NKAIN3: variants seen among roughly 807,000 people sequenced by gnomAD.
NKAIN3 encodes sodium/potassium transporting ATPase interacting 3.
NKAIN3 carries 25 observed loss-of-function variants against 30.2 expected under a neutral mutation model. The observed-to-expected ratio is 0.83, with a 90% CI of 0.60 to 1.16. NKAIN3 has a LOEUF of 1.16. Among genes scored for constraint, NKAIN3 ranks in the 50% most tolerant of loss-of-function variants. NKAIN3 has a pLI of 0.00. For synonymous variants in NKAIN3, 91 were observed against 89.6 expected, an observed-to-expected ratio of 1.02 and a Z score of -0.09; for missense variants, 225 against 254.1, an observed-to-expected ratio of 0.89 and a Z score of 0.78.
intron 1 of NKAIN3, among the ~76,000 whole-genome samples, chr8:62,467,038 C>G (rs1230873641): frequency 6.6e-6 from 1 of 152,126 alleles, no homozygotes; most frequent in Non-Finnish European, 1.5e-5. Flanking sequence ...TAGGACCTGC[C>G]TCCGACCTCT....
At chr8:62,456,844 C>T (rs1326956779) in intron 1 of NKAIN3, among the ~76,000 whole-genome samples, 1 of 152,172 alleles carries the variant, frequency 6.6e-6, no homozygotes, top group African/African-American at 2.4e-5. Context: ...CCTAATGCAC[C>T]CAGCCTTCGT....
chr8:62,783,309 T>C (rs1316309879), intron 4 of NKAIN3, among the ~76,000 whole-genome samples: 6 of 152,132 alleles, frequency 3.9e-5, no homozygotes, highest in African/African-American at 1.4e-4. Flanking sequence ...TAGCCCTTTC[T>C]ACCATGTGAA....
chr8:62,412,195 G>A (rs549421480), intron 1 of NKAIN3, among the ~76,000 whole-genome samples: 1 of 152,228 alleles, frequency 6.6e-6, no homozygotes, highest in Non-Finnish European at 1.5e-5. Flanking sequence ...AATCAAAGTA[G>A]CATGGTACTG....
At position 62,937,323 on chromosome 8, in the gene NKAIN3, G is replaced by A. The variant is rs34371344; in HGVS notation, c.533-16579G>A. ...TTTGAAAGAAGTGGCTTGCCACTGC[G>A]TACTCCGTGAAACAGCCGAAAACTG... On this transcript the variant is annotated intron_variant, in intron 5 of 6. Coordinates refer to ENST00000623646, the MANE Select transcript of NKAIN3 (RefSeq NM_001304533.3). Among the ~76,000 whole-genome samples the A allele has an allele frequency of 6.8e-4, 103 of 152,194 alleles. 1 individual carries two copies. Among genetic ancestry groups the A allele is most frequent in the African/African-American group, 2.2e-3 (92 of 41,500 alleles).
intron 3 of NKAIN3, among the ~76,000 whole-genome samples, chr8:62,642,816 A>G (rs554620634): frequency 3.9e-5 from 6 of 152,000 alleles, no homozygotes; most frequent in Non-Finnish European, 2.9e-5. Context: ...TTTATATATT[A>G]CCATTTTTCT....
intron 3 of NKAIN3, among the ~76,000 whole-genome samples, chr8:62,675,208 T>C (rs1255277806): frequency 2.0e-5 from 3 of 152,232 alleles, no homozygotes; most frequent in Non-Finnish European, 2.9e-5. Flanking sequence ...TGCAAAGTGA[T>C]GTAAAAATTA....
intron 1 of NKAIN3, among the ~76,000 whole-genome samples, chr8:62,409,364 A>T (rs1308694419): frequency 6.6e-6 from 1 of 152,034 alleles, no homozygotes; most frequent in African/African-American, 2.4e-5. Context: ...TTGTATTTTT[A>T]GTAGAGATGG....
chr8:62,574,748 G>A (rs935609661), intron 1 of NKAIN3, among the ~76,000 whole-genome samples: 3 of 152,038 alleles, frequency 2.0e-5, no homozygotes, highest in Admixed American at 6.6e-5. Flanking sequence ...TTTAACTGAG[G>A]TGAGATCATA....
chr8:62,858,054 T>A (rs545575818), intron 4 of NKAIN3, among the ~76,000 whole-genome samples: 2 of 150,088 alleles, frequency 1.3e-5, no homozygotes, highest in East Asian at 3.9e-4. Flanking sequence ...TGTTGTTTTC[T>A]GTGTTTTTTT....
intron 4 of NKAIN3, among the ~76,000 whole-genome samples, chr8:62,776,581 T>C (rs147110412): frequency 9.7e-4 from 147 of 152,300 alleles, no homozygotes; most frequent in Admixed American, 2.4e-3. Context: ...AGAAAACCAA[T>C]AACAGCTGTA....
rs970094487 is a variant in NKAIN3, at chr8:62,310,637, G to A, written c.54+61510G>A. Among the ~76,000 whole-genome samples the A allele has an allele frequency of 1.3e-5, 2 of 150,368 alleles. 1 individual carries two copies. The highest frequency in any genetic ancestry group is 5.0e-5 in the African/African-American group (2 of 39,772). ...ATTCGAAAGTGTAAATAAAGTAAAAGTGGGTGGTGCCCCATTGTTTGAAGT... is the reference window on the plus strand; with the variant it reads ...ATTCGAAAGTGTAAATAAAGTAAAAATGGGTGGTGCCCCATTGTTTGAAGT... On this transcript the variant is annotated intron_variant, in intron 1 of 6. Coordinates refer to ENST00000623646, the MANE Select transcript of NKAIN3 (RefSeq NM_001304533.3).
intron 3 of NKAIN3, among the ~76,000 whole-genome samples, chr8:62,632,179 T>C (rs1214804662): frequency 6.6e-6 from 1 of 152,144 alleles, no homozygotes; most frequent in Non-Finnish European, 1.5e-5. Flanking sequence ...ATCCCATAAA[T>C]AAGAGCAACC....
chr8:62,998,105 T>C (rs1375293705), intron 5 of NKAIN3, among the ~76,000 whole-genome samples: 1 of 152,238 alleles, frequency 6.6e-6, no homozygotes, highest in East Asian at 1.9e-4. Flanking sequence ...TCAGAGACTT[T>C]ACATCCCCTT....
intron 1 of NKAIN3, among the ~76,000 whole-genome samples, chr8:62,316,916 C>A (rs1234032968): frequency 6.6e-6 from 1 of 152,004 alleles, no homozygotes; most frequent in Admixed American, 6.6e-5. Context: ...TTCTTATTTC[C>A]CCACATCCTT....
chr8:62,641,519 G>T (rs1586040179), intron 3 of NKAIN3, among the ~76,000 whole-genome samples: 1 of 152,118 alleles, frequency 6.6e-6, no homozygotes, highest in Non-Finnish European at 1.5e-5. Flanking sequence ...GCTTTTTGTA[G>T]GTTTTTGATA....
At chr8:62,562,701 G>A (rs1390633404) in intron 1 of NKAIN3, among the ~76,000 whole-genome samples, 2 of 152,248 alleles carry the variant, frequency 1.3e-5, no homozygotes, top group Non-Finnish European at 1.5e-5. Flanking sequence ...ATTTTCAAAT[G>A]AGAGTCACTT....
At chr8:62,921,024 AAGCCAATTGC>A (rs1195176615) in intron 5 of NKAIN3, among the ~76,000 whole-genome samples, 1 of 152,204 alleles carries the variant, frequency 6.6e-6, no homozygotes, top group Non-Finnish European at 1.5e-5. Context: ...GTAATGTCTG[AAGCCAATTGC>A]AATGATCTCA....
At chr8:62,335,602 G>T (rs992516649) in intron 1 of NKAIN3, among the ~76,000 whole-genome samples, 2 of 151,704 alleles carry the variant, frequency 1.3e-5, no homozygotes, top group African/African-American at 2.4e-5. Context: ...AACAAATTTT[G>T]TGCCCTCCCC....
intron 4 of NKAIN3, among the ~76,000 whole-genome samples, chr8:62,790,575 GTC>G (rs1460284758): frequency 2.8e-5 from 2 of 71,022 alleles, no homozygotes; most frequent in African/African-American, 6.6e-5. Context: ...GTGTCTGTCT[GTC>G]TGTCTGTGTG....
Sources: allele counts gnomAD v4.1 joint callset (sites outside exome capture counted in the v4.1 genomes callset), GRCh38; gene constraint gnomAD v4.1.1; transcripts MANE v1.5; gene names NCBI Gene and HGNC (gene_info 2026-07-23, HGNC 2026-07-21).